The following COL13A1 variants were observed in gnomAD, a reference collection of about 807,000 sequenced individuals.
COL13A1 encodes the protein collagen alpha-1(XIII) chain.
In COL13A1, 89 loss-of-function variants were observed where a neutral mutation model predicts 130.9. That is an observed-to-expected ratio of 0.68 (90% CI 0.57 to 0.81). The LOEUF is 0.81. Among genes scored for constraint, COL13A1 ranks in the 30% least tolerant of loss-of-function variants. The pLI is 0.00. For synonymous variants in COL13A1, 402 were observed against 341.6 expected (o/e 1.18, Z -1.95); for missense variants, 879 against 934.6 (o/e 0.94, Z 0.78).
chr10:69,936,153 GAAGGAAGGAAGGAAGGAAGGAAGGA>G (rs1306817547), intron 32 of COL13A1, among the ~76,000 whole-genome samples: 1,369 of 7,652 alleles, frequency 0.18, 19 homozygotes, highest in East Asian at 0.42. Context: ...AGGAAGGAAG[GAAGGAAGGAAGGAAGGAAGGAAGGA>G]AAGGAAAGGA....
At chr10:69,874,343 G>T (rs531327268) in intron 4 of COL13A1, among the ~76,000 whole-genome samples, 27 of 152,224 alleles carry the variant, frequency 1.8e-4, no homozygotes, top group Non-Finnish European at 7.4e-5. Flanking sequence ...GCACCCTATT[G>T]CTTTCCATCC....
At chr10:69,823,749 G>A (rs1228244253) in intron 2 of COL13A1, among the ~76,000 whole-genome samples, 1 of 152,160 alleles carries the variant, frequency 6.6e-6, no homozygotes, top group African/African-American at 2.4e-5. Context: ...TGAGAAGAGG[G>A]TCGTCCGGGT....
intron 2 of COL13A1, among the ~76,000 whole-genome samples, chr10:69,824,679 C>T (rs1228299695): frequency 1.3e-5 from 2 of 152,034 alleles, no homozygotes; most frequent in Admixed American, 6.5e-5. Flanking sequence ...TGGTCCTCTG[C>T]GGGGAAGGGA....
chr10:69,851,229 C>G (rs1189249598), intron 2 of COL13A1, among the ~76,000 whole-genome samples: 1 of 152,238 alleles, frequency 6.6e-6, no homozygotes, highest in African/African-American at 2.4e-5. Context: ...AGCTTTGGCT[C>G]TGATTTCTGA....
At chr10:69,802,885 G>A (rs1840427416) in intron 1 of COL13A1, among the ~76,000 whole-genome samples, 168 bp downstream of exon 1, 1 of 152,218 alleles carries the variant, frequency 6.6e-6, no homozygotes, top group Non-Finnish European at 1.5e-5. Flanking sequence ...CCCTACCAGG[G>A]ATTCGGAGGA....
chr10:69,941,002 G>A lies in COL13A1; in HGVS notation c.1893G>A (p.Leu631=). ...GPLGLPGASG[L]DGRPGPPGTP... Reference sequence around the variant, plus strand: ...CCTTCGTCCAGGGAGCTTCAGGTTTGGACGGCAGGCCTGGGCCACCGGTGA... The same window carrying A: ...CCTTCGTCCAGGGAGCTTCAGGTTTAGACGGCAGGCCTGGGCCACCGGTGA... Residue 631 remains leucine (L), a synonymous_variant, in exon 35 of 41, where the codon TTG becomes TTA. Coordinates refer to ENST00000645393, the MANE Select transcript of COL13A1 (RefSeq NM_001368882.1). 6.2e-7 allele frequency: 1 copy of A among 1,613,818 alleles called. No individual in the cohort carries two copies. Among genetic ancestry groups the A allele is most frequent in the Non-Finnish European group, 8.5e-7 (1 of 1,179,848 alleles).
At chr10:69,933,194 T>C (rs2066388238) in intron 31 of COL13A1, among the ~76,000 whole-genome samples, 2 of 101,538 alleles carry the variant, frequency 2.0e-5, no homozygotes, top group Admixed American at 2.2e-4. Flanking sequence ...CAGCTCACAA[T>C]ACCCCATAAT....
intron 35 of COL13A1, among the ~76,000 whole-genome samples, chr10:69,942,303 A>G (rs1176667223): frequency 6.6e-6 from 1 of 152,166 alleles, no homozygotes; most frequent in African/African-American, 2.4e-5. Context: ...GTAAACCCTT[A>G]CATGCAGAGA....
Position 69,943,219 on chromosome 10 carries a change from G to T in COL13A1, c.1915-906G>T, listed in dbSNP as rs137947400. On this transcript the variant is annotated intron_variant, in intron 35 of 40. Coordinates refer to ENST00000645393, the MANE Select transcript of COL13A1 (RefSeq NM_001368882.1). The stretch of plus-strand genomic sequence containing the variant: ...TCCCTCCTTGTGGTTGCAAAGGGGG[G>T]CCCTGAGGACATCTTACTCCCCTCT... Among the ~76,000 whole-genome samples the T allele has an allele frequency of 4.8e-3, 731 of 152,260 alleles. 4 individuals are homozygous for T. The highest frequency in any genetic ancestry group is 8.1e-3 in the Non-Finnish European group (551 of 68,014).
intron 2 of COL13A1, among the ~76,000 whole-genome samples, chr10:69,835,812 G>A (rs1849901895): frequency 6.6e-6 from 1 of 152,240 alleles, no homozygotes; most frequent in African/African-American, 2.4e-5. Flanking sequence ...GATAAGGCTG[G>A]AGGACATTAA....
chr10:69,931,137 C>G, intron 30 of COL13A1: 1 of 456,070 alleles, frequency 2.2e-6, no homozygotes, highest in South Asian at 1.5e-5. Flanking sequence ...GCTCCACTAA[C>G]AGAAATCATT....
At chr10:69,944,912 G>A (rs2068244141) in intron 36 of COL13A1, among the ~76,000 whole-genome samples, 2 of 152,210 alleles carry the variant, frequency 1.3e-5, no homozygotes, top group South Asian at 4.1e-4. Flanking sequence ...AGGACAGCAG[G>A]AAGTCAGGAG....
chr10:69,855,622 C>T (rs56374242), intron 2 of COL13A1, among the ~76,000 whole-genome samples: 14,863 of 152,030 alleles, frequency 0.098, 940 homozygotes, highest in Middle Eastern at 0.27. Context: ...TGATTAAGTA[C>T]CTTACTAATT....
chr10:69,941,813 C>T (rs185984079), intron 35 of COL13A1, among the ~76,000 whole-genome samples: 102 of 152,288 alleles, frequency 6.7e-4, no homozygotes, highest in African/African-American at 1.9e-3. Context: ...CTCCCGTGAG[C>T]GCCCTCTGAG....
chr10:69,864,817 C>T (rs780514375), intron 2 of COL13A1, among the ~76,000 whole-genome samples: 4 of 152,130 alleles, frequency 2.6e-5, no homozygotes, highest in Non-Finnish European at 5.9e-5. Flanking sequence ...TGAGGCAGTG[C>T]GTGACAGACA....
At chr10:69,838,670 T>C (rs1379576074) in intron 2 of COL13A1, among the ~76,000 whole-genome samples, 1 of 152,226 alleles carries the variant, frequency 6.6e-6, no homozygotes, top group African/African-American at 2.4e-5. Context: ...AGACAGGGGC[T>C]CCTCTAAGCT....
rs116934397 is a variant in COL13A1 at position 69,895,244 on chromosome 10, C to A, written c.658-306C>A. On this transcript the variant is annotated intron_variant, in intron 12 of 40. Coordinates refer to ENST00000645393, the MANE Select transcript of COL13A1 (RefSeq NM_001368882.1). ...CTGGTGGGCCTGCCTAGAGGGTCAA[C>A]CTTTCGCCAGGCATGGGGCATAACT... Among the ~76,000 whole-genome samples the A allele has an allele frequency of 8.1e-4, 123 of 152,286 alleles. 1 individual carries two copies. In the East Asian group the frequency reaches 0.021, roughly 26 times the overall value.
At chr10:69,848,115 A>G (rs761853954) in intron 2 of COL13A1, among the ~76,000 whole-genome samples, 1 of 152,240 alleles carries the variant, frequency 6.6e-6, no homozygotes, top group South Asian at 2.1e-4. Context: ...TGAAGAAGCC[A>G]CTGGGACCAG....
intron 40 of COL13A1, 94 bp from the exon 41 acceptor site, chr10:69,958,605 C>T: frequency 6.3e-7 from 1 of 1,598,242 alleles, no homozygotes; most frequent in African/African-American, 1.3e-5. Context: ...TCCCATCCAA[C>T]CCAGGACAAG....
Sources: allele counts gnomAD v4.1 joint callset (sites outside exome capture counted in the v4.1 genomes callset), GRCh38; gene constraint gnomAD v4.1.1; transcripts MANE v1.5; gene names NCBI Gene and HGNC (gene_info 2026-07-23, HGNC 2026-07-21).